The following PREX2 variants were observed in gnomAD, a reference collection of about 807,000 sequenced individuals.
PREX2 encodes phosphatidylinositol 3,4,5-trisphosphate-dependent Rac exchanger 2 protein.
A neutral mutation model predicts 203.2 loss-of-function variants in PREX2; 107 were observed. The observed-to-expected ratio is 0.53, with a 90% CI of 0.45 to 0.62. The LOEUF (loss-of-function observed/expected upper bound fraction) is 0.62. PREX2 is among the 20% of genes least tolerant of loss of function. The pLI is 0.00. For synonymous variants in PREX2, 672 were observed against 663.6 expected (o/e 1.01, Z -0.19); for missense variants, 1,777 against 1,955.9 (o/e 0.91, Z 1.72).
At position 68,188,182 on chromosome 8, in the gene PREX2, G is replaced by A. The variant is rs117441208; in HGVS notation, c.4347-3540G>A. 2.4e-4 allele frequency among the ~76,000 whole-genome samples: 36 copies of A among 152,258 alleles called. No individual in the cohort carries two copies. In the East Asian group the frequency reaches 5.4e-3, roughly 23 times the overall value. ...ACTCACTAGTTTGGGGACATGACTGGTGATAATCCAGATGTCAAAACAATG... is the reference window on the plus strand; with the variant it reads ...ACTCACTAGTTTGGGGACATGACTGATGATAATCCAGATGTCAAAACAATG... On this transcript the variant is annotated intron_variant, in intron 35 of 39. Coordinates refer to ENST00000288368, the MANE Select transcript of PREX2 (RefSeq NM_024870.4).
intron 1 of PREX2, among the ~76,000 whole-genome samples, chr8:68,003,741 A>C (rs1274292693): frequency 6.6e-6 from 1 of 152,124 alleles, no homozygotes; most frequent in Non-Finnish European, 1.5e-5. Context: ...GATATGAAAT[A>C]ATCCTTTTCC....
chr8:68,213,947 G>T (rs1812787559), intron 37 of PREX2, among the ~76,000 whole-genome samples: 1 of 152,186 alleles, frequency 6.6e-6, no homozygotes. Flanking sequence ...TCTAGGGAAA[G>T]AATTGTGTGA....
intron 23 of PREX2, chr8:68,102,828 T>C (rs1234889475): frequency 1.9e-6 from 1 of 518,616 alleles, no homozygotes; most frequent in Non-Finnish European, 3.8e-6. Context: ...AGGCCACAGA[T>C]GTTTTTTGGC....
At chr8:67,992,458 A>G (rs1306730098) in intron 1 of PREX2, among the ~76,000 whole-genome samples, 1 of 152,214 alleles carries the variant, frequency 6.6e-6, no homozygotes, top group Non-Finnish European at 1.5e-5. Flanking sequence ...AGAACCATTT[A>G]AGAACTTAGA....
chr8:68,083,528 TTTACAGATGATGG>T, intron 18 of PREX2, 140 bp downstream of exon 18: 8 of 513,140 alleles, frequency 1.6e-5, no homozygotes, highest in Non-Finnish European at 2.7e-5. Flanking sequence ...TTAATACTGG[TTTACAGATGATGG>T]GAGAAGCTAC....
intron 7 of PREX2, among the ~76,000 whole-genome samples, chr8:68,041,463 A>G (rs1372180090): frequency 1.3e-5 from 2 of 152,194 alleles, no homozygotes; most frequent in African/African-American, 4.8e-5. Flanking sequence ...ATGCAATTAT[A>G]TAAGCCGAGA....
At chr8:68,087,673 A>G (rs1283663433) in intron 18 of PREX2, 51 bp from the exon 19 acceptor site, 3 of 1,278,380 alleles carry the variant, frequency 2.3e-6, no homozygotes, top group South Asian at 1.2e-5. Flanking sequence ...GATTATTTCA[A>G]CCAGTTTTGA....
intron 8 of PREX2, among the ~76,000 whole-genome samples, chr8:68,045,404 A>G (rs1455442202): frequency 6.6e-6 from 1 of 152,108 alleles, no homozygotes; most frequent in Non-Finnish European, 1.5e-5. Flanking sequence ...TGGGACACAG[A>G]TCAGCTCCCT....
chr8:67,994,936 A>G (rs1200039233), intron 1 of PREX2, among the ~76,000 whole-genome samples: 6 of 152,228 alleles, frequency 3.9e-5, no homozygotes, highest in Non-Finnish European at 8.8e-5. Flanking sequence ...ACATGGTTTT[A>G]GTATAATTCA....
chr8:68,116,109 TC>T, intron 26 of PREX2, among the ~76,000 whole-genome samples, 177 bp downstream of exon 26: 1 of 152,372 alleles, frequency 6.6e-6, no homozygotes, highest in Middle Eastern at 3.4e-3. Context: ...ATATTTCAAA[TC>T]CTTCCCTTTT....
chr8:68,016,879 G>A (rs771248500), intron 1 of PREX2, among the ~76,000 whole-genome samples: 4 of 152,156 alleles, frequency 2.6e-5, no homozygotes, highest in Admixed American at 6.6e-5. Context: ...CTCCCAAAGC[G>A]CTAGGAGTAT....
In PREX2 at chr8:68,099,780, A is replaced by G. The variant is rs761094069; in HGVS notation, c.2652A>G (p.Lys884=). The G allele has an allele frequency of 6.2e-7, 1 of 1,613,256 alleles. No homozygotes were observed. ...TGATTCCTACTGACCTTCAGAGTAA[A>G]TTCAGTGCCCTTTGCAGTGAAAGAA... ...NEVIPTDLQS[K]FSALCSERIE... Residue 884 remains lysine (K), a synonymous_variant, in exon 23 of 40, where the codon AAA becomes AAG. Coordinates refer to ENST00000288368, the MANE Select transcript of PREX2 (RefSeq NM_024870.4).
At chr8:68,104,534 T>C (rs1810353596) in intron 23 of PREX2, among the ~76,000 whole-genome samples, 1 of 152,198 alleles carries the variant, frequency 6.6e-6, no homozygotes, top group Non-Finnish European at 1.5e-5. Flanking sequence ...AAATGCCAGC[T>C]TCAGTGAGGC....
At chr8:68,166,834 C>A (rs1811771167) in intron 35 of PREX2, among the ~76,000 whole-genome samples, 1 of 151,670 alleles carries the variant, frequency 6.6e-6, no homozygotes, top group Non-Finnish European at 1.5e-5. Context: ...GTGTGATAGC[C>A]CAGTTATTCC....
intron 1 of PREX2, among the ~76,000 whole-genome samples, chr8:67,995,600 C>G (rs1318608300): frequency 3.3e-5 from 5 of 152,142 alleles, no homozygotes; most frequent in Admixed American, 2.6e-4. Flanking sequence ...GTTTCATCAG[C>G]TATGTAAATA....
In PREX2 at chr8:68,108,243, A is replaced by G; in HGVS notation, c.2850A>G (p.Thr950=). 6.2e-7 allele frequency: 1 copy of G among 1,613,892 alleles called. No homozygotes were observed. The highest frequency in any genetic ancestry group is 8.5e-7 in the Non-Finnish European group (1 of 1,179,798). The change falls in exon 24 of 40, where the codon ACA becomes ACG. Residue 950 remains threonine, a synonymous_variant. Coordinates refer to ENST00000288368, the MANE Select transcript of PREX2 (RefSeq NM_024870.4). ...VNVMEVSYPK[T]STSLGSAFGV... ...TGATGGAAGTTTCTTATCCCAAAAC[A>G]TCAACCTCTTTGGGAAGTGCATTTG...
At chr8:68,217,309 A>G (rs1585871135) in intron 37 of PREX2, among the ~76,000 whole-genome samples, 1 of 152,228 alleles carries the variant, frequency 6.6e-6, no homozygotes, top group East Asian at 1.9e-4. Flanking sequence ...ATGAAATATC[A>G]TTAAAGAATA....
chr8:68,093,529 A>C, intron 20 of PREX2, 76 bp from the exon 21 acceptor site: 1 of 605,708 alleles, frequency 1.7e-6, no homozygotes, highest in Non-Finnish European at 2.9e-6. Flanking sequence ...GGAATAAATA[A>C]GGCCAAGTCT....
chr8:68,194,432 T>G (rs1162778734), intron 37 of PREX2, among the ~76,000 whole-genome samples: 1 of 152,096 alleles, frequency 6.6e-6, no homozygotes, highest in Non-Finnish European at 1.5e-5. Flanking sequence ...CTAGATATTT[T>G]AATGCCAACC....
Sources: allele counts gnomAD v4.1 joint callset (sites outside exome capture counted in the v4.1 genomes callset), GRCh38; gene constraint gnomAD v4.1.1; transcripts MANE v1.5; gene names NCBI Gene and HGNC (gene_info 2026-07-23, HGNC 2026-07-21).